Variants in NWD1 observed in about 807,000 individuals in gnomAD.
NWD1 encodes NACHT domain- and WD repeat-containing protein 1.
A neutral mutation model predicts 135.1 loss-of-function variants in NWD1; 129 were observed. The ratio of observed to expected loss-of-function variants is 0.96; its 90% CI spans 0.83 to 1.11. The LOEUF (loss-of-function observed/expected upper bound fraction) is 1.11, where lower values mean the gene tolerates loss of function less well. NWD1 is among the 50% of genes least tolerant of loss of function. The pLI, the probability that NWD1 is intolerant of heterozygous loss-of-function variation, is 0.00. For missense variants in NWD1, 1,740 were observed against 1,851.3 expected, an observed-to-expected ratio of 0.94 and a Z score of 1.10; for synonymous variants, 773 against 786.0, an observed-to-expected ratio of 0.98 and a Z score of 0.28.
chr19:16,795,133 G>A (rs1471229717), intron 15 of NWD1, among the ~76,000 whole-genome samples: 1 of 152,228 alleles, frequency 6.6e-6, no homozygotes, highest in Non-Finnish European at 1.5e-5. Flanking sequence ...TGCCAAGCTG[G>A]GAGCAGGGGG....
At chr19:16,729,890 A>T (rs1056106594) in intron 2 of NWD1, among the ~76,000 whole-genome samples, 1 of 149,952 alleles carries the variant, frequency 6.7e-6, no homozygotes, top group Non-Finnish European at 1.5e-5. Context: ...AAGAGAAAAG[A>T]AAAGAAAGAG....
chr19:16,808,189 A>G, intron 18 of NWD1, 53 bp downstream of exon 18: 2 of 1,510,128 alleles, frequency 1.3e-6, no homozygotes, highest in Non-Finnish European at 1.8e-6. Context: ...TGGAAAACTG[A>G]TAGATAGCCA....
At chr19:16,740,768 G>C (rs888411535) in intron 4 of NWD1, among the ~76,000 whole-genome samples, 1 of 151,576 alleles carries the variant, frequency 6.6e-6, no homozygotes, top group Non-Finnish European at 1.5e-5. Flanking sequence ...CACCGCACTG[G>C]CCCAGGTTAA....
intron 4 of NWD1, among the ~76,000 whole-genome samples, chr19:16,740,026 T>G (rs28473481): frequency 0.072 from 10,912 of 152,118 alleles, 544 homozygotes; most frequent in African/African-American, 0.14. Flanking sequence ...GCTGGCCACC[T>G]TGGATCACAC....
chr19:16,749,933 T>G lies in NWD1; in HGVS notation c.1291T>G (p.Ser431Ala), dbSNP rs764809637. The G allele has an allele frequency of 1.2e-6, 2 of 1,613,516 alleles. No homozygotes were observed. The highest frequency in any genetic ancestry group is 2.2e-5 in the South Asian group (2 of 91,078). The stretch of plus-strand genomic sequence containing the variant: ...CACTGTCTCTTGCAGAAACTTCGAG[T>G]CTCTCGTGCTCCTGCTGGATGCTAT... Reference protein sequence around the residue: ...LHTVSCRNFESLVLLLDAMDD... With the variant: ...LHTVSCRNFEALVLLLDAMDD... The change falls in exon 6 of 19, where the codon TCT becomes GCT. Residue 431 changes from serine to alanine, a missense_variant. Transcript: ENST00000524140.
intron 10 of NWD1, among the ~76,000 whole-genome samples, chr19:16,768,839 G>A (rs1477526283): frequency 6.6e-6 from 1 of 152,192 alleles, no homozygotes; most frequent in Non-Finnish European, 1.5e-5. Flanking sequence ...AGGATGACCA[G>A]TGGCCTGTGA....
intron 4 of NWD1, among the ~76,000 whole-genome samples, chr19:16,738,003 A>AAAAG (rs796737263): frequency 7.2e-6 from 1 of 138,066 alleles, no homozygotes; most frequent in Non-Finnish European, 1.6e-5. Context: ...AAGAAAAGAA[A>AAAAG]AGAAAAGAAA....
At chr19:16,782,910 T>C (rs1346816974) in intron 12 of NWD1, among the ~76,000 whole-genome samples, 1 of 111,636 alleles carries the variant, frequency 9.0e-6, no homozygotes, top group Non-Finnish European at 1.6e-5. Context: ...CCTTCCTTCC[T>C]TCTTTCCTTC....
At chr19:16,790,971 C>T (rs1313702401) in intron 13 of NWD1, among the ~76,000 whole-genome samples, 2 of 152,146 alleles carry the variant, frequency 1.3e-5, no homozygotes, top group Non-Finnish European at 2.9e-5. Context: ...GTGGCTCACA[C>T]TCATAATCCC....
At chr19:16,797,526 A>G (rs190838295) in intron 15 of NWD1, among the ~76,000 whole-genome samples, 2 of 152,068 alleles carry the variant, frequency 1.3e-5, no homozygotes, top group African/African-American at 4.8e-5. Context: ...AGAATAAAAT[A>G]CATGAAACAT....
intron 18 of NWD1, among the ~76,000 whole-genome samples, chr19:16,809,972 G>T (rs1970873671): frequency 6.6e-6 from 1 of 152,166 alleles, no homozygotes; most frequent in Admixed American, 6.6e-5. Context: ...GTCACAGGGA[G>T]ACTCTATCCC....
At chr19:16,771,761 C>T (rs1969420576) in intron 10 of NWD1, among the ~76,000 whole-genome samples, 2 of 151,712 alleles carry the variant, frequency 1.3e-5, no homozygotes, top group Non-Finnish European at 2.9e-5. Context: ...GCTCTCCGTA[C>T]ATCCAAGCAC....
At chr19:16,730,628 G>T (rs962275601) in intron 2 of NWD1, among the ~76,000 whole-genome samples, 2 of 152,080 alleles carry the variant, frequency 1.3e-5, no homozygotes, top group African/African-American at 4.8e-5. Flanking sequence ...GAGGTGGGAG[G>T]ATTGACTGAT....
At chr19:16,787,335 A>G (rs893211495) in intron 12 of NWD1, among the ~76,000 whole-genome samples, 1 of 152,128 alleles carries the variant, frequency 6.6e-6, no homozygotes, top group East Asian at 1.9e-4. Flanking sequence ...GAGAAATCCT[A>G]TAATTTTTCT....
At chr19:16,811,841 C>G (rs1424710667) in intron 18 of NWD1, among the ~76,000 whole-genome samples, 2 of 152,026 alleles carry the variant, frequency 1.3e-5, no homozygotes, top group Non-Finnish European at 2.9e-5. Context: ...CATGATGAAA[C>G]CCCTTCTCTA....
intron 18 of NWD1, among the ~76,000 whole-genome samples, chr19:16,810,604 G>GA (rs900083743): frequency 2.0e-5 from 3 of 151,288 alleles, no homozygotes; most frequent in African/African-American, 7.3e-5. Flanking sequence ...CCCATCTCTA[G>GA]AAAAAAAAAT....
Position 16,780,371 on chromosome 19 carries a change from T to C in NWD1, c.2731+906T>C, listed in dbSNP as rs372030240. 3.9e-5 allele frequency among the ~76,000 whole-genome samples: 6 copies of C among 152,226 alleles called. No homozygotes were observed. In the East Asian group the frequency reaches 9.7e-4, roughly 25 times the overall value. ...CGGGGTTTCACCGTGTTAGCCAGGA[T>C]GGTCTCAATCTCCTGACCTTGTGAT... On this transcript the variant is annotated intron_variant, in intron 12 of 18. Coordinates refer to ENST00000524140, the MANE Select transcript of NWD1 (RefSeq NM_001007525.5).
chr19:16,720,542 C>T (rs572638458), intron 1 of NWD1, among the ~76,000 whole-genome samples: 24 of 152,036 alleles, frequency 1.6e-4, no homozygotes, highest in Non-Finnish European at 2.9e-4. Context: ...CCCTAGGGGA[C>T]ATTGCAATGT....
At chr19:16,812,007 T>C (rs1002176469) in intron 18 of NWD1, among the ~76,000 whole-genome samples, 2 of 151,764 alleles carry the variant, frequency 1.3e-5, no homozygotes, top group African/African-American at 4.8e-5. Flanking sequence ...CAGAGCGAGA[T>C]TCCATCAAAA....
Sources: gnomAD v4.1 joint callset for allele counts (sites outside exome capture counted in the v4.1 genomes callset) on GRCh38, gnomAD v4.1.1 for gene constraint, MANE v1.5 for transcripts, NCBI Gene and HGNC (gene_info 2026-07-23, HGNC 2026-07-21) for gene names.